RERE: variants seen among roughly 807,000 people sequenced by gnomAD.
The protein encoded by RERE is arginine-glutamic acid dipeptide repeats protein.
RERE carries 40 observed loss-of-function variants against 146.1 expected under a neutral mutation model. That is an observed-to-expected ratio of 0.27 (90% confidence interval 0.21 to 0.36). RERE has a LOEUF of 0.36. RERE is among the 10% of genes least tolerant of loss of function. The pLI is 1.00. For synonymous variants in RERE, 1,003 were observed against 866.0 expected (o/e 1.16, Z -2.78); for missense variants, 1,933 against 2,138.7 (o/e 0.90, Z 1.90).
intron 1 of RERE, among the ~76,000 whole-genome samples, chr1:8,722,137 A>G (rs1639876538): frequency 6.6e-6 from 1 of 152,190 alleles, no homozygotes; most frequent in Admixed American, 6.5e-5. Flanking sequence ...CAATTCTAGA[A>G]CCACAAATAA....
intron 1 of RERE, among the ~76,000 whole-genome samples, chr1:8,738,082 A>T (rs1017752743): frequency 3.0e-4 from 45 of 151,992 alleles, no homozygotes; most frequent in African/African-American, 1.0e-3. Context: ...CCGCTGTGGG[A>T]CTGGGCTGTC....
At chr1:8,500,060 C>A (rs1289969030) in intron 8 of RERE, among the ~76,000 whole-genome samples, 2 of 152,156 alleles carry the variant, frequency 1.3e-5, no homozygotes, top group Non-Finnish European at 2.9e-5. Context: ...GGCGGAGGTT[C>A]CCGTGAGCTG....
chr1:8,614,977 A>G (rs1378645412), intron 3 of RERE, among the ~76,000 whole-genome samples: 4 of 152,238 alleles, frequency 2.6e-5, no homozygotes, highest in Non-Finnish European at 5.9e-5. Flanking sequence ...AAGATGTGAG[A>G]TAGTGCCAAA....
At chr1:8,549,648 T>C (rs1263202934) in intron 6 of RERE, among the ~76,000 whole-genome samples, 1 of 152,188 alleles carries the variant, frequency 6.6e-6, no homozygotes, top group African/African-American at 2.4e-5. Context: ...TGTCAAAGTA[T>C]CTCCCAGGTT....
In RERE at chr1:8,704,491, GTTAA is replaced by G. The variant is rs1256169120; in HGVS notation, c.-144-48054_-144-48051del. Among the ~76,000 whole-genome samples, 12 of 152,236 alleles carry G rather than the reference GTTAA, an allele frequency of 7.9e-5. No homozygotes were observed. In the East Asian group the frequency reaches 2.1e-3, roughly 27 times the overall value. Reference sequence around the variant, plus strand: ...GGAACTCTCAAATAGCTTCATAAATGTTAATTAGACTTTCCAAGGCCCTATAAAG... The same window carrying G: ...GGAACTCTCAAATAGCTTCATAAATGTTAGACTTTCCAAGGCCCTATAAAG... On this transcript the variant is annotated intron_variant, in intron 1 of 22. Transcript: ENST00000400908.
intron 4 of RERE, among the ~76,000 whole-genome samples, chr1:8,609,248 T>A (rs1439505762): frequency 3.3e-5 from 5 of 150,470 alleles, no homozygotes; most frequent in Admixed American, 3.3e-4. Flanking sequence ...ATAAATTAAC[T>A]GACAATTAGC....
At chr1:8,658,046 A>T (rs1306646055) in intron 1 of RERE, among the ~76,000 whole-genome samples, 2 of 152,232 alleles carry the variant, frequency 1.3e-5, no homozygotes, top group Non-Finnish European at 2.9e-5. Flanking sequence ...GGAAAAGTGA[A>T]TCCCAAACTC....
At position 8,458,172 on chromosome 1, in the gene RERE, G is replaced by A. The variant is rs544976587; in HGVS notation, c.1203+7753C>T. On this transcript the variant is annotated intron_variant, in intron 11 of 22. Coordinates refer to ENST00000400908, the MANE Select transcript of RERE (RefSeq NM_001042681.2). ...AAGAAAAGGGTTTTCCATCCTCTTC[G>A]TTTATAAAATAACCACTGTCTATGG... Among the ~76,000 whole-genome samples, 24 of 152,166 alleles carry A rather than the reference G, an allele frequency of 1.6e-4. 1 individual carries two copies. The East Asian group carries it at 2.3e-3, about 15-fold the overall frequency.
chr1:8,577,358 T>G (rs556614391), intron 4 of RERE, among the ~76,000 whole-genome samples: 1 of 152,214 alleles, frequency 6.6e-6, no homozygotes, highest in African/African-American at 2.4e-5. Context: ...TTCTTTTTTA[T>G]GTAGCTAGCC....
intron 1 of RERE, chr1:8,750,281 G>A: frequency 1.9e-6 from 1 of 522,778 alleles, no homozygotes; most frequent in South Asian, 2.3e-5. Flanking sequence ...ATAAATGAAT[G>A]CTTCAATATC....
chr1:8,780,362 T>C (rs1340666950), intron 1 of RERE, among the ~76,000 whole-genome samples: 4 of 152,168 alleles, frequency 2.6e-5, no homozygotes, highest in African/African-American at 7.2e-5. Flanking sequence ...AAAAAGGGGA[T>C]GCAACCTGGA....
intron 7 of RERE, among the ~76,000 whole-genome samples, chr1:8,517,641 A>T (rs191051342): frequency 5.7e-4 from 86 of 152,118 alleles, no homozygotes; most frequent in African/African-American, 2.0e-3. Context: ...TTACAACAAT[A>T]ATGGTAAGTT....
At chr1:8,634,547 C>T (rs894291084) in intron 2 of RERE, among the ~76,000 whole-genome samples, 1 of 152,164 alleles carries the variant, frequency 6.6e-6, no homozygotes, top group African/African-American at 2.4e-5. Context: ...CAGCAGGCTT[C>T]AAATTTAATT....
intron 1 of RERE, among the ~76,000 whole-genome samples, chr1:8,758,929 A>C (rs537992926): frequency 2.1e-4 from 32 of 152,266 alleles, no homozygotes; most frequent in Admixed American, 5.2e-4. Context: ...TCAAACCATC[A>C]TGGTATACAC....
chr1:8,794,447 G>A (rs937218020), intron 1 of RERE, among the ~76,000 whole-genome samples: 6 of 151,746 alleles, frequency 4.0e-5, no homozygotes, highest in Non-Finnish European at 8.8e-5. Flanking sequence ...ATATTAAAGG[G>A]TCCTGGACCT....
At chr1:8,735,672 C>A (rs750411640) in intron 1 of RERE, among the ~76,000 whole-genome samples, 1 of 152,042 alleles carries the variant, frequency 6.6e-6, no homozygotes, top group African/African-American at 2.4e-5. Context: ...GATTGGATCA[C>A]GGGGCGGTTT....
chr1:8,577,776 C>T (rs79957979), intron 4 of RERE, among the ~76,000 whole-genome samples: 1,729 of 152,250 alleles, frequency 0.011, 14 homozygotes, highest in Non-Finnish European at 0.018. Context: ...TGAGATATAC[C>T]GCTGAGGCTG....
intron 12 of RERE, among the ~76,000 whole-genome samples, chr1:8,416,545 A>ACC: frequency 6.7e-6 from 1 of 150,270 alleles, no homozygotes; most frequent in African/African-American, 2.5e-5. Context: ...GAGACTGCAT[A>ACC]ACTGCACTCC....
chr1:8,443,418 A>C (rs1644276055), intron 11 of RERE, among the ~76,000 whole-genome samples: 1 of 142,626 alleles, frequency 7.0e-6, no homozygotes, highest in African/African-American at 2.6e-5. Context: ...GCACCTCTGC[A>C]CTCTAGCCTG....
Sources: gnomAD v4.1 joint callset for allele counts (sites outside exome capture counted in the v4.1 genomes callset) on GRCh38, gnomAD v4.1.1 for gene constraint, MANE v1.5 for transcripts, NCBI Gene and HGNC (gene_info 2026-07-23, HGNC 2026-07-21) for gene names.